Variants in DEPTOR observed in about 807,000 individuals in gnomAD.
DEPTOR encodes the protein DEP domain-containing mTOR-interacting protein.
DEPTOR carries 41 observed loss-of-function variants against 41.6 expected under a neutral mutation model. The ratio of observed to expected loss-of-function variants is 0.98; its 90% CI spans 0.77 to 1.28. The LOEUF is 1.28. Among genes scored for constraint, DEPTOR ranks in the 50% most tolerant of loss-of-function variants. DEPTOR has a pLI of 0.00. For missense variants in DEPTOR, 514 were observed against 527.9 expected (o/e 0.97, Z 0.26); for synonymous variants, 195 against 192.3 (o/e 1.01, Z -0.12).
At chr8:119,896,495 G>GTGTTT (rs1346734653) in intron 1 of DEPTOR, among the ~76,000 whole-genome samples, 1 of 108,612 alleles carries the variant, frequency 9.2e-6, no homozygotes, top group African/African-American at 2.9e-5. Flanking sequence ...TTGTTTCTTT[G>GTGTTT]TGTTTTTGTT....
intron 8 of DEPTOR, among the ~76,000 whole-genome samples, chr8:120,033,972 C>T (rs1191173371): frequency 6.6e-6 from 1 of 152,054 alleles, no homozygotes; most frequent in African/African-American, 2.4e-5. Context: ...GGGGCTGAAG[C>T]AGGAGACTTG....
chr8:120,034,091 G>C (rs1274059045), intron 8 of DEPTOR, among the ~76,000 whole-genome samples: 3 of 152,168 alleles, frequency 2.0e-5, no homozygotes, highest in East Asian at 3.9e-4. Context: ...CAGCTACTTG[G>C]CTCTCTCCCC....
intron 1 of DEPTOR, among the ~76,000 whole-genome samples, chr8:119,880,186 T>TA (rs900159694): frequency 6.7e-6 from 1 of 150,368 alleles, no homozygotes; most frequent in African/African-American, 2.5e-5. Context: ...TAAAATAAAA[T>TA]AAAGAAGCCC....
At chr8:119,901,509 T>C (rs1290019689) in intron 1 of DEPTOR, among the ~76,000 whole-genome samples, 1 of 151,996 alleles carries the variant, frequency 6.6e-6, no homozygotes, top group Non-Finnish European at 1.5e-5. Flanking sequence ...GCCCCATCTC[T>C]ACTAAAAATA....
intron 4 of DEPTOR, among the ~76,000 whole-genome samples, chr8:119,971,501 C>A (rs938119913): frequency 1.3e-5 from 2 of 152,278 alleles, no homozygotes; most frequent in Middle Eastern, 3.4e-3. Flanking sequence ...GCAGACCTGG[C>A]AAAAGTCTGA....
chr8:120,015,348 C>T (rs184561028), intron 8 of DEPTOR, among the ~76,000 whole-genome samples: 8 of 152,290 alleles, frequency 5.3e-5, no homozygotes, highest in East Asian at 1.9e-4. Flanking sequence ...ATATTCCTCC[C>T]GTCTTTCTCC....
chr8:120,025,635 T>C (rs1163813552), intron 8 of DEPTOR, among the ~76,000 whole-genome samples: 1 of 152,164 alleles, frequency 6.6e-6, no homozygotes, highest in East Asian at 1.9e-4. Context: ...CTAGAAGTCA[T>C]GCTTGCTTTT....
intron 4 of DEPTOR, among the ~76,000 whole-genome samples, chr8:119,991,500 T>C (rs1442220138): frequency 1.3e-5 from 2 of 152,154 alleles, no homozygotes; most frequent in East Asian, 3.9e-4. Context: ...TCATTTTTAA[T>C]GGAGACGGGG....
rs1490508700 is a variant in DEPTOR at position 120,006,796 on chromosome 8, G to A, written c.926-9G>A. The A allele has an allele frequency of 6.2e-7, 1 of 1,613,776 alleles. No homozygotes were observed. Among genetic ancestry groups the A allele is most frequent in the Non-Finnish European group, 8.5e-7 (1 of 1,179,770 alleles). ...GTGCTTATGTCTTGACATTGTGTTT[G>A]TCTGCCAGTGCTGAAGAGACCTGTC... On this transcript the variant is annotated splice_polypyrimidine_tract_variant and intron_variant, in intron 6 of 8. Coordinates refer to ENST00000286234, the MANE Select transcript of DEPTOR (RefSeq NM_022783.4).
intron 8 of DEPTOR, among the ~76,000 whole-genome samples, chr8:120,026,219 A>G (rs1812793950): frequency 6.6e-6 from 1 of 150,962 alleles, no homozygotes; most frequent in African/African-American, 2.4e-5. Context: ...GATTTAGTAG[A>G]TTTCGTGGAT....
At chr8:119,911,789 A>G (rs987490308) in intron 1 of DEPTOR, among the ~76,000 whole-genome samples, 3 of 152,216 alleles carry the variant, frequency 2.0e-5, no homozygotes, top group Non-Finnish European at 4.4e-5. Flanking sequence ...CATGGACATG[A>G]CAGCTATGAA....
intron 8 of DEPTOR, among the ~76,000 whole-genome samples, chr8:120,048,317 G>GA (rs1212448168): frequency 6.6e-6 from 1 of 152,122 alleles, no homozygotes; most frequent in African/African-American, 2.4e-5. Context: ...TGCTGCAGCA[G>GA]AAAAAAACAA....
chr8:119,954,234 C>G (rs1454891251), intron 3 of DEPTOR, among the ~76,000 whole-genome samples: 1 of 151,860 alleles, frequency 6.6e-6, no homozygotes, highest in Admixed American at 6.6e-5. Flanking sequence ...GCCTCAAACT[C>G]CTGGGCTCAA....
At position 119,966,772 on chromosome 8, in the gene DEPTOR, G is replaced by A. The variant is rs377391630; in HGVS notation, c.604+1362G>A. On this transcript the variant is annotated intron_variant, in intron 4 of 8. Coordinates refer to ENST00000286234, the MANE Select transcript of DEPTOR (RefSeq NM_022783.4). Reference sequence around the variant, plus strand: ...GATTACAGGCGTGAACAACCATGCCGGGCCCAAGAGGCAGATTAATAGGAG... The same window carrying A: ...GATTACAGGCGTGAACAACCATGCCAGGCCCAAGAGGCAGATTAATAGGAG... Among the ~76,000 whole-genome samples the A allele has an allele frequency of 1.1e-4, 16 of 152,120 alleles. No individual in the cohort carries two copies. The East Asian group carries it at 1.2e-3, about 11-fold the overall frequency.
At chr8:119,929,997 G>C in intron 3 of DEPTOR, 59 bp downstream of exon 3, 4 of 1,552,812 alleles carry the variant, frequency 2.6e-6, no homozygotes, top group Non-Finnish European at 3.5e-6. Flanking sequence ...GCAGAACTGT[G>C]CCAGTCTCAT....
chr8:119,937,101 T>C (rs2129879467), intron 3 of DEPTOR, among the ~76,000 whole-genome samples: 1 of 152,206 alleles, frequency 6.6e-6, no homozygotes, highest in Middle Eastern at 3.4e-3. Flanking sequence ...GTTTTACAAA[T>C]TGCAAACTGT....
chr8:119,891,552 G>A (rs1365266851), intron 1 of DEPTOR, among the ~76,000 whole-genome samples: 3 of 152,152 alleles, frequency 2.0e-5, no homozygotes. Flanking sequence ...TTGTCCTGGT[G>A]TAAACCTCCT....
chr8:119,925,945 C>T (rs1474709804), intron 1 of DEPTOR, among the ~76,000 whole-genome samples: 4 of 152,064 alleles, frequency 2.6e-5, no homozygotes, highest in Admixed American at 1.3e-4. Context: ...TTCTTGATGT[C>T]TATGTGTTCA....
At chr8:119,892,872 TCC>T (rs1827469338) in intron 1 of DEPTOR, among the ~76,000 whole-genome samples, 3 of 152,140 alleles carry the variant, frequency 2.0e-5, no homozygotes, top group Non-Finnish European at 2.9e-5. Flanking sequence ...AACCTCTGTT[TCC>T]CAGGTTCAAG....
Sources: gnomAD v4.1 joint callset for allele counts (sites outside exome capture counted in the v4.1 genomes callset) on GRCh38, gnomAD v4.1.1 for gene constraint, MANE v1.5 for transcripts, NCBI Gene and HGNC (gene_info 2026-07-23, HGNC 2026-07-21) for gene names.